PTPN20: variants seen among roughly 807,000 people sequenced by gnomAD.
PTPN20 encodes protein tyrosine phosphatase non-receptor type 20.
PTPN20 carries 9 observed loss-of-function variants against 35.0 expected under a neutral mutation model. The observed-to-expected ratio is 0.26, with a 90% CI of 0.15 to 0.45. The LOEUF (loss-of-function observed/expected upper bound fraction) is 0.45, where lower values mean the gene tolerates loss of function less well. Among genes scored for constraint, PTPN20 ranks in the 20% least tolerant of loss-of-function variants. The pLI is 1.00. For synonymous variants in PTPN20, 32 were observed against 100.2 expected (o/e 0.32, Z 4.06); for missense variants, 111 against 312.5 (o/e 0.36, Z 4.86).
chr10:46,988,828 G>A (rs2137058742), intron 9 of PTPN20, among the ~76,000 whole-genome samples: 1 of 150,336 alleles, frequency 6.7e-6, no homozygotes, highest in East Asian at 1.9e-4. Flanking sequence ...TACTTTTTTG[G>A]TTAAATTTAT....
At chr10:46,954,102 G>A (rs1341986737) in intron 5 of PTPN20, among the ~76,000 whole-genome samples, 1 of 92,690 alleles carries the variant, frequency 1.1e-5, no homozygotes, top group South Asian at 4.1e-4. Flanking sequence ...TTTTTTTTTG[G>A]GGGGGGGTGC....
At chr10:46,999,808 C>G in intron 9 of PTPN20, 104 bp from the exon 10 acceptor site, 1 of 1,356,608 alleles carries the variant, frequency 7.4e-7, no homozygotes, top group East Asian at 2.3e-5. Flanking sequence ...AAAATGAGAT[C>G]TTTCTGATTA....
intron 1 of PTPN20, among the ~76,000 whole-genome samples, chr10:46,929,217 A>G (rs1312880007): frequency 1.8e-5 from 2 of 109,502 alleles, no homozygotes; most frequent in African/African-American, 8.5e-5. Flanking sequence ...AGCAAACCAA[A>G]CACTTGTAGT....
At chr10:46,938,229 G>C (rs1415729276) in intron 2 of PTPN20, among the ~76,000 whole-genome samples, 43 of 143,654 alleles carry the variant, frequency 3.0e-4, no homozygotes, top group African/African-American at 1.1e-3. Flanking sequence ...GATTACAGGC[G>C]TGAGCCACCA....
At chr10:46,939,730 A>G (rs1461342679) in intron 2 of PTPN20, among the ~76,000 whole-genome samples, 3 of 150,686 alleles carry the variant, frequency 2.0e-5, no homozygotes, top group Non-Finnish European at 4.4e-5. Context: ...TTTTCCCTCT[A>G]TCTAAATACT....
chr10:46,921,740 C>T lies in PTPN20; in HGVS notation c.-124+10239C>T, dbSNP rs1246016055. On this transcript the variant is annotated intron_variant, in intron 1 of 10. Coordinates refer to ENST00000374339, the MANE Select transcript of PTPN20 (RefSeq NM_001042357.5). Reference sequence around the variant, plus strand: ...AAATAGGATCTTTGCAAATGTTAAACAAGTTAAGCTGAGGTCCTAATGCAA... The same window carrying T: ...AAATAGGATCTTTGCAAATGTTAAATAAGTTAAGCTGAGGTCCTAATGCAA... Among the ~76,000 whole-genome samples, 2 of 110,786 alleles carry T rather than the reference C, an allele frequency of 1.8e-5. 1 individual carries two copies. Among genetic ancestry groups the T allele is most frequent in the Non-Finnish European group, 3.7e-5 (2 of 54,416 alleles). 72.7% of individuals were successfully genotyped at this position (110,786 alleles called of 152,430 possible).
At chr10:46,953,447 G>T (rs1555149053) in intron 5 of PTPN20, among the ~76,000 whole-genome samples, 1 of 135,788 alleles carries the variant, frequency 7.4e-6, no homozygotes, top group African/African-American at 3.2e-5. Flanking sequence ...TTGGTTCAAT[G>T]TTGAATAAGA....
chr10:46,941,498 C>T (rs1190607216), intron 3 of PTPN20, among the ~76,000 whole-genome samples: 1 of 125,880 alleles, frequency 7.9e-6, no homozygotes, highest in Non-Finnish European at 1.6e-5. Context: ...GCTGTTAGTG[C>T]CGTGTTGGGC....
At chr10:46,983,064 G>C (rs1319191306) in intron 7 of PTPN20, among the ~76,000 whole-genome samples, 1 of 122,862 alleles carries the variant, frequency 8.1e-6, no homozygotes, top group African/African-American at 3.0e-5. Flanking sequence ...TATATATCTA[G>C]CTTTTTTTTT....
intron 1 of PTPN20, among the ~76,000 whole-genome samples, chr10:46,928,186 A>C (rs2038282325): frequency 6.6e-6 from 1 of 151,962 alleles, no homozygotes; most frequent in Non-Finnish European, 1.5e-5. Context: ...ATAGGGTCTC[A>C]GTGCCTTTGG....
intron 1 of PTPN20, chr10:46,926,206 G>A (rs2037319591): frequency 1.9e-5 from 19 of 981,104 alleles, no homozygotes; most frequent in Non-Finnish European, 2.3e-5. Context: ...CTTTTATTGA[G>A]CTTGTAATTT....
At chr10:46,988,878 A>G (rs1450075818) in intron 9 of PTPN20, among the ~76,000 whole-genome samples, 1 of 150,354 alleles carries the variant, frequency 6.7e-6, no homozygotes, top group East Asian at 2.0e-4. Context: ...TGTAAATAAG[A>G]TCACCTTCTT....
intron 2 of PTPN20, among the ~76,000 whole-genome samples, chr10:46,937,702 A>G (rs1481700916): frequency 2.0e-5 from 3 of 151,970 alleles, no homozygotes; most frequent in East Asian, 1.9e-4. Context: ...TTTTTATTGT[A>G]TCATGTTTTT....
At chr10:46,931,446 T>C (rs2039558141) in intron 1 of PTPN20, among the ~76,000 whole-genome samples, 1 of 142,374 alleles carries the variant, frequency 7.0e-6, no homozygotes, top group Non-Finnish European at 1.5e-5. Flanking sequence ...TTGCCCAGGC[T>C]AGACTGCAGT....
chr10:46,941,725 G>A (rs1283586164), intron 3 of PTPN20, among the ~76,000 whole-genome samples: 1 of 150,014 alleles, frequency 6.7e-6, no homozygotes, highest in East Asian at 2.0e-4. Context: ...TTGTTTTTTT[G>A]CTAAGTTATA....
rs1275917269 is a variant in PTPN20, at chr10:46,940,387, CAA to C, written c.35-233_35-232del. Among the ~76,000 whole-genome samples, 5 of 146,774 alleles carry C rather than the reference CAA, an allele frequency of 3.4e-5. No homozygotes were observed. The East Asian group carries it at 1.0e-3, about 30-fold the overall frequency. On this transcript the variant is annotated intron_variant, in intron 2 of 10. Coordinates refer to ENST00000374339, the MANE Select transcript of PTPN20 (RefSeq NM_001042357.5). ...GGCAATGAGGAACAAGGGAACCGCT[CAA>C]AAGTCAACTCCCTGAGGATAATCCT...
rs1343185895 is a variant in PTPN20, at chr10:47,001,580, T to C, written c.*839T>C. The C allele has an allele frequency of 4.6e-5, 7 of 152,216 alleles. No individual in the cohort carries two copies. The highest frequency in any genetic ancestry group is 1.7e-4 in the African/African-American group (7 of 41,462). The allele number at this position is 152,216 out of a possible 1,614,324, so 9.4% of individuals were successfully genotyped here. On this transcript the variant is annotated 3_prime_UTR_variant, in exon 11 of 11. Transcript: ENST00000374339. ...TTTAGCTAACTAATAAAGTTTGATA[T>C]AGGCATTATTATATAATTCTGAGTC...
intron 9 of PTPN20, among the ~76,000 whole-genome samples, chr10:46,992,872 G>A (rs1343458273): frequency 5.9e-5 from 9 of 152,294 alleles, no homozygotes; most frequent in African/African-American, 1.9e-4. Context: ...TGTTGAATTT[G>A]CTATCATTTC....
chr10:46,940,915 T>G (rs1259042858), intron 3 of PTPN20, among the ~76,000 whole-genome samples, 198 bp downstream of exon 3: 127 of 151,996 alleles, frequency 8.4e-4, no homozygotes, highest in Non-Finnish European at 1.4e-3. Context: ...AATTGCATTT[T>G]CTAATGCTAC....
Sources: allele counts gnomAD v4.1 joint callset (sites outside exome capture counted in the v4.1 genomes callset), GRCh38; gene constraint gnomAD v4.1.1; transcripts MANE v1.5; gene names NCBI Gene and HGNC (gene_info 2026-07-23, HGNC 2026-07-21).